The following KIR3DL3 variants were observed in gnomAD, a reference collection of about 807,000 sequenced individuals.
The protein encoded by KIR3DL3 is killer cell immunoglobulin like receptor, three Ig domains and long cytoplasmic tail 3, also known as killer cell immunoglobulin-like receptor 3DL3.
In KIR3DL3, 27 loss-of-function variants were observed where a neutral mutation model predicts 34.9. That is an observed-to-expected ratio of 0.77 (90% CI 0.57 to 1.07). The LOEUF is 1.07. KIR3DL3 is among the 50% of genes least tolerant of loss of function. The pLI, the probability that KIR3DL3 is intolerant of heterozygous loss-of-function variation, is 0.00. For missense variants in KIR3DL3, 681 were observed against 528.5 expected, an observed-to-expected ratio of 1.29 and a Z score of -2.83; for synonymous variants, 217 against 200.2, an observed-to-expected ratio of 1.08 and a Z score of -0.71.
chr19:54,735,471 C>A, intron 6 of KIR3DL3, 114 bp downstream of exon 6: 4 of 626,478 alleles, frequency 6.4e-6, no homozygotes, highest in Non-Finnish European at 1.1e-5. Flanking sequence ...AAGGCAGGAG[C>A]CACAGAGGCA....
intron 5 of KIR3DL3, among the ~76,000 whole-genome samples, 160 bp downstream of exon 5, chr19:54,729,946 T>C (rs1468942702): frequency 3.4e-4 from 50 of 148,534 alleles, no homozygotes; most frequent in African/African-American, 1.2e-3. Flanking sequence ...ACAGGGCACC[T>C]CCAAACCCTC....
At chr19:54,728,853 G>A (rs1209072738) in intron 4 of KIR3DL3, among the ~76,000 whole-genome samples, 1 of 149,534 alleles carries the variant, frequency 6.7e-6, no homozygotes. Flanking sequence ...TGGACAGATA[G>A]ATATAGATAG....
At chr19:54,732,711 G>A (rs760575206) in intron 5 of KIR3DL3, among the ~76,000 whole-genome samples, 11 of 151,304 alleles carry the variant, frequency 7.3e-5, no homozygotes, top group Admixed American at 4.0e-4. Context: ...GCTCTCAGCC[G>A]TGAAGGCACA....
At chr19:54,735,572 C>A (rs2069443990) in intron 6 of KIR3DL3, among the ~76,000 whole-genome samples, 2 of 132,204 alleles carry the variant, frequency 1.5e-5, no homozygotes, top group African/African-American at 6.0e-5. Context: ...ACATCCCCTG[C>A]AGCCACTCAC....
rs764770057 is a variant in KIR3DL3, at chr19:54,727,756, C to T, written c.501C>T (p.Leu167=). 4.3e-6 allele frequency: 7 copies of T among 1,612,966 alleles called. No individual in the cohort carries two copies. Among genetic ancestry groups the T allele is most frequent in the Non-Finnish European group, 5.9e-6 (7 of 1,179,790 alleles). Residue 167 remains leucine, a synonymous_variant, in exon 4 of 8, where the codon CTC becomes CTT. Coordinates refer to ENST00000291860, the MANE Select transcript of KIR3DL3 (RefSeq NM_153443.5). ...REGITEDPLR[L]VGQLHDAGSQ... is the part of the protein sequence containing the mutation. ...GGATCACTGAGGACCCCTTGCGCCTCGTTGGACAGCTCCACGATGCGGGTT... is the reference window on the plus strand; with the variant it reads ...GGATCACTGAGGACCCCTTGCGCCTTGTTGGACAGCTCCACGATGCGGGTT...
chr19:54,726,720 T>A (rs1474293656), intron 3 of KIR3DL3, among the ~76,000 whole-genome samples: 2 of 142,570 alleles, frequency 1.4e-5, no homozygotes, highest in African/African-American at 5.2e-5. Flanking sequence ...GGAGGGAGAC[T>A]CCATCAGCCA....
rs2068050536 is a variant in KIR3DL3, at chr19:54,725,292, T to C, written c.70+10T>C. ...CCCTGGCCACATGTGGGTGAGTCCT[T>C]CCCCCAAACCTTAGGTTGTCATCTC... On this transcript the variant is annotated intron_variant, in intron 2 of 7. Coordinates refer to ENST00000291860, the MANE Select transcript of KIR3DL3 (RefSeq NM_153443.5). 6.4e-7 allele frequency: 1 copy of C among 1,570,630 alleles called. No homozygotes were observed. Among genetic ancestry groups the C allele is most frequent in the South Asian group, 1.2e-5 (1 of 82,944 alleles).
intron 7 of KIR3DL3, 37 bp downstream of exon 7, chr19:54,735,909 A>G (rs2146897028): frequency 6.2e-7 from 1 of 1,605,830 alleles, no homozygotes; most frequent in East Asian, 2.2e-5. Flanking sequence ...GGCTAGTCTT[A>G]TTCCCAAAGA....
intron 2 of KIR3DL3, among the ~76,000 whole-genome samples, chr19:54,725,706 AC>A: frequency 6.6e-6 from 1 of 152,188 alleles, no homozygotes; most frequent in South Asian, 2.1e-4. Context: ...CACAGTCATG[AC>A]CCTGACATTC....
Position 54,729,014 on chromosome 19 carries a change from CATG to C in KIR3DL3, c.656-473_656-471del, listed in dbSNP as rs530377466. On this transcript the variant is annotated intron_variant, in intron 4 of 7. Transcript: ENST00000291860. ...AGAGAGATAGAAAGACAGATAAACACATGATGATAGATGGATAGATGCATACAT... is the reference window on the plus strand; with the variant it reads ...AGAGAGATAGAAAGACAGATAAACACATGATAGATGGATAGATGCATACAT... 8.2e-5 allele frequency among the ~76,000 whole-genome samples: 12 copies of C among 146,596 alleles called. No individual in the cohort carries two copies. In the East Asian group the frequency reaches 1.6e-3, roughly 19 times the overall value.
At chr19:54,732,746 G>A (rs1328227360) in intron 5 of KIR3DL3, among the ~76,000 whole-genome samples, 1 of 152,202 alleles carries the variant, frequency 6.6e-6, no homozygotes, top group Non-Finnish European at 1.5e-5. Context: ...CTTAGTTCAA[G>A]GAAGAGGCTC....
chr19:54,733,259 A>G (rs1478107784), intron 5 of KIR3DL3, among the ~76,000 whole-genome samples: 1 of 152,122 alleles, frequency 6.6e-6, no homozygotes, highest in Non-Finnish European at 1.5e-5. Context: ...AAGACTGTGG[A>G]TGGGGGCTCA....
Position 54,728,192 on chromosome 19 carries a change from T to A in KIR3DL3, c.655+282T>A, listed in dbSNP as rs2068413369. Reference sequence around the variant, plus strand: ...GACAGACATATCCCAGAGAGAGGTGTCCTTCTATGCTGACTTTGTTCAGAG... The same window carrying A: ...GACAGACATATCCCAGAGAGAGGTGACCTTCTATGCTGACTTTGTTCAGAG... On this transcript the variant is annotated intron_variant, in intron 4 of 7. Coordinates refer to ENST00000291860, the MANE Select transcript of KIR3DL3 (RefSeq NM_153443.5). Among the ~76,000 whole-genome samples the A allele has an allele frequency of 2.0e-5, 3 of 149,216 alleles. No individual in the cohort carries two copies. In the South Asian group the frequency reaches 6.5e-4, roughly 32 times the overall value.
chr19:54,735,243 C>T lies in KIR3DL3; in HGVS notation c.950-10C>T. 1 of 1,488,242 alleles carries T rather than the reference C, an allele frequency of 6.7e-7. No homozygotes were observed. Among genetic ancestry groups the T allele is most frequent in the East Asian group, 2.3e-5 (1 of 44,436 alleles). The allele number at this position is 1,488,242 out of a possible 1,614,324, so 92.2% of individuals were successfully genotyped here. ...GATTAGCTTCTTATTGGTGTCTTGT[C>T]TTCCTCCAGGTAACTCCAGAAACCT... On this transcript the variant is annotated splice_polypyrimidine_tract_variant and intron_variant, in intron 5 of 7. Coordinates refer to ENST00000291860, the MANE Select transcript of KIR3DL3 (RefSeq NM_153443.5).
intron 5 of KIR3DL3, among the ~76,000 whole-genome samples, chr19:54,734,903 T>G (rs547466701): frequency 7.1e-6 from 1 of 140,460 alleles, no homozygotes; most frequent in Non-Finnish European, 1.5e-5. Context: ...CAGGAACTAA[T>G]AGAGGGGGAA....
intron 7 of KIR3DL3, 41 bp from the exon 8 acceptor site, chr19:54,735,930 A>C (rs779175678): frequency 1.9e-6 from 3 of 1,607,136 alleles, no homozygotes; most frequent in Non-Finnish European, 2.5e-6. Flanking sequence ...GTCCTGGAAA[A>C]TGTGAGCACC....
At chr19:54,729,873 AC>A in intron 5 of KIR3DL3, 87 bp downstream of exon 5, 2 of 1,328,600 alleles carry the variant, frequency 1.5e-6, no homozygotes, top group Non-Finnish European at 2.1e-6. Flanking sequence ...AGAAGCATGG[AC>A]AGATGCCGAG....
intron 2 of KIR3DL3, 75 bp downstream of exon 2, chr19:54,725,357 C>T (rs1483512092): frequency 1.8e-6 from 2 of 1,131,558 alleles, no homozygotes; most frequent in South Asian, 2.0e-5. Flanking sequence ...AGGCAGGCGA[C>T]ACAGGGGGTT....
rs2146884549 is a variant in KIR3DL3, at chr19:54,735,293, G to A, written c.990G>A (p.Val330=). 1 of 1,527,038 alleles carries A rather than the reference G, an allele frequency of 6.5e-7. No homozygotes were observed. Among genetic ancestry groups the A allele is most frequent in the South Asian group, 1.1e-5 (1 of 88,144 alleles). The allele number at this position is 1,527,038 out of a possible 1,614,324, so 94.6% of individuals were successfully genotyped here. The change falls in exon 6 of 8, where the codon GTG becomes GTA. Residue 330 remains valine, a synonymous_variant. Coordinates refer to ENST00000291860, the MANE Select transcript of KIR3DL3 (RefSeq NM_153443.5). The part of the protein sequence containing the change: ...RNLHVLIGTS[V]VIIPFAILLF... ...TGCACGTTCTGATTGGGACCTCAGTGGTCATCATCCCCTTTGCTATCCTCC... is the reference window on the plus strand; with the variant it reads ...TGCACGTTCTGATTGGGACCTCAGTAGTCATCATCCCCTTTGCTATCCTCC...
Sources: allele counts gnomAD v4.1 joint callset (sites outside exome capture counted in the v4.1 genomes callset), GRCh38; gene constraint gnomAD v4.1.1; transcripts MANE v1.5; gene names NCBI Gene and HGNC (gene_info 2026-07-23, HGNC 2026-07-21).